The following TSKS variants were observed in gnomAD, a reference collection of about 807,000 sequenced individuals.
TSKS encodes testis-specific serine kinase substrate.
Under a neutral mutation model 68.0 loss-of-function variants are expected in TSKS, and 27 were observed. The ratio of observed to expected loss-of-function variants is 0.40; its 90% confidence interval spans 0.29 to 0.55. TSKS has a LOEUF of 0.55. Among genes scored for constraint, TSKS ranks in the 20% least tolerant of loss-of-function variants. The pLI, the probability that TSKS is intolerant of heterozygous loss-of-function variation, is 0.53. For synonymous variants in TSKS, 331 were observed against 340.4 expected, an observed-to-expected ratio of 0.97 and a Z score of 0.30; for missense variants, 806 against 776.0, an observed-to-expected ratio of 1.04 and a Z score of -0.46.
chr19:49,762,681 C>G (rs914382128), intron 1 of TSKS, among the ~76,000 whole-genome samples: 5 of 152,108 alleles, frequency 3.3e-5, no homozygotes, highest in African/African-American at 1.2e-4. Context: ...CCTGCCTCGG[C>G]CTCCCAAAGT....
chr19:49,756,512 C>T (rs2084393972), intron 2 of TSKS, among the ~76,000 whole-genome samples: 1 of 150,272 alleles, frequency 6.7e-6, no homozygotes, highest in African/African-American at 2.4e-5. Context: ...GGAAAAAAAA[C>T]ACATGATCAT....
intron 8 of TSKS, among the ~76,000 whole-genome samples, chr19:49,743,873 A>T (rs571931954): frequency 6.7e-6 from 1 of 149,660 alleles, no homozygotes; most frequent in Non-Finnish European, 1.5e-5. Flanking sequence ...CGCCCAGCTA[A>T]TTTTTGTATT....
intron 2 of TSKS, among the ~76,000 whole-genome samples, chr19:49,753,830 T>C (rs2084371883): frequency 6.6e-6 from 1 of 151,034 alleles, no homozygotes; most frequent in African/African-American, 2.4e-5. Context: ...AACAAATCCT[T>C]ATGAGTGGGG....
chr19:49,740,536 T>C (rs1489888755), intron 9 of TSKS, among the ~76,000 whole-genome samples: 3 of 152,138 alleles, frequency 2.0e-5, no homozygotes, highest in African/African-American at 4.8e-5. Flanking sequence ...ACCTCCTACA[T>C]TCCATAATTT....
At chr19:49,751,209 CAGG>C (rs1470690492) in intron 2 of TSKS, among the ~76,000 whole-genome samples, 1 of 143,894 alleles carries the variant, frequency 6.9e-6, no homozygotes, top group African/African-American at 2.6e-5. Flanking sequence ...GAGGCTGACA[CAGG>C]AGAATCGCTT....
chr19:49,740,889 A>T (rs2084246320), intron 9 of TSKS, among the ~76,000 whole-genome samples: 1 of 148,864 alleles, frequency 6.7e-6, no homozygotes, highest in Non-Finnish European at 1.5e-5. Flanking sequence ...TGTCTCCAAA[A>T]AAAAAAAGGC....
intron 2 of TSKS, among the ~76,000 whole-genome samples, chr19:49,755,460 TGAG>T (rs1317880753): frequency 6.6e-6 from 1 of 152,040 alleles, no homozygotes; most frequent in Non-Finnish European, 1.5e-5. Flanking sequence ...TTTGGGAGGC[TGAG>T]GAGGGTGTAT....
intron 2 of TSKS, among the ~76,000 whole-genome samples, chr19:49,750,363 A>G (rs1271320736): frequency 1.3e-5 from 2 of 149,854 alleles, no homozygotes; most frequent in Non-Finnish European, 3.0e-5. Flanking sequence ...GGTTCAAGCC[A>G]TTCTCCTGCT....
chr19:49,743,493 CTTT>C (rs761657800), intron 8 of TSKS, among the ~76,000 whole-genome samples: 1 of 103,906 alleles, frequency 9.6e-6, no homozygotes. Flanking sequence ...AAGTGAATTT[CTTT>C]TTTTTTTTTT....
In TSKS at chr19:49,762,163, G is replaced by T. The variant is rs1338090121; in HGVS notation, c.240C>A (p.Thr80=). Residue 80 remains threonine, a synonymous_variant, in exon 2 of 11, where the codon ACC becomes ACA. Transcript: ENST00000246801. ...CLNLKRSSAC[T]NVSLLNLAAM... ...CGGCCAGGTTGAGCAGTGACACGTT[G>T]GTGCAGGCCGAGGACCGTTTGAGGT... 1 of 1,614,158 alleles carries T rather than the reference G, an allele frequency of 6.2e-7. No homozygotes were observed. Among genetic ancestry groups the T allele is most frequent in the Admixed American group, 1.7e-5 (1 of 60,012 alleles).
intron 2 of TSKS, among the ~76,000 whole-genome samples, chr19:49,761,255 G>T (rs976935126): frequency 6.6e-6 from 1 of 152,126 alleles, no homozygotes; most frequent in African/African-American, 2.4e-5. Context: ...TCAGTATCTG[G>T]TAGAGCCTGT....
intron 6 of TSKS, among the ~76,000 whole-genome samples, chr19:49,745,906 G>A (rs1321237474): frequency 2.0e-5 from 3 of 152,186 alleles, no homozygotes; most frequent in Non-Finnish European, 4.4e-5. Flanking sequence ...GATCTAGGCC[G>A]GGCGCGGTGG....
intron 8 of TSKS, among the ~76,000 whole-genome samples, chr19:49,742,989 T>G (rs1481559922): frequency 6.6e-6 from 1 of 152,044 alleles, no homozygotes; most frequent in East Asian, 1.9e-4. Context: ...AAGGTCTCAC[T>G]TCCCCCTCAG....
At chr19:49,748,512 G>GGCA in intron 2 of TSKS, 43 bp from the exon 3 acceptor site, 1 of 1,577,830 alleles carries the variant, frequency 6.3e-7, no homozygotes. Flanking sequence ...GGTATGTGGG[G>GGCA]GCAAGCCCCA....
At chr19:49,756,575 A>C (rs1386145036) in intron 2 of TSKS, among the ~76,000 whole-genome samples, 1 of 152,098 alleles carries the variant, frequency 6.6e-6, no homozygotes, top group Non-Finnish European at 1.5e-5. Context: ...AAAAAAAAAA[A>C]AACACTCCAC....
At chr19:49,746,837 G>A in intron 5 of TSKS, 39 bp from the exon 6 acceptor site, 4 of 1,581,114 alleles carry the variant, frequency 2.5e-6, no homozygotes, top group Admixed American at 1.7e-5. Flanking sequence ...GCGTCCAGCC[G>A]CTTTCCTCCC....
At chr19:49,761,502 C>G (rs911102424) in intron 2 of TSKS, among the ~76,000 whole-genome samples, 3 of 152,204 alleles carry the variant, frequency 2.0e-5, no homozygotes, top group African/African-American at 7.2e-5. Flanking sequence ...CTGGTACCCC[C>G]CAGCCTGGCT....
At chr19:49,755,272 A>G (rs376812429) in intron 2 of TSKS, among the ~76,000 whole-genome samples, 1 of 152,230 alleles carries the variant, frequency 6.6e-6, no homozygotes, top group Non-Finnish European at 1.5e-5. Context: ...TCAGAGACCT[A>G]TGGATCTGGG....
Position 49,763,239 on chromosome 19 carries a change from G to T in TSKS, c.9C>A (p.Ser3Arg), listed in dbSNP as rs773680306. MA[S>R]VVVKTIWQSK... The stretch of plus-strand genomic sequence containing the variant: ...ACTGCCAGATCGTCTTCACCACCAC[G>T]CTCGCCATGGTGTGGGGGTCTGGCT... The change falls in exon 1 of 11, where the codon AGC becomes AGA. Residue 3 changes from serine (S) to arginine (R), a missense_variant. Transcript: ENST00000246801. This position sits in a 1 kb window ranked among gnomAD's most constrained non-coding sequence, Gnocchi z 4.5. 2.7e-6 allele frequency: 4 copies of T among 1,496,040 alleles called. No homozygotes were observed. Among genetic ancestry groups the T allele is most frequent in the Non-Finnish European group, 3.6e-6 (4 of 1,123,740 alleles). The allele number at this position is 1,496,040 out of a possible 1,614,324, so 92.7% of individuals were successfully genotyped here.
Sources: allele counts gnomAD v4.1 joint callset (sites outside exome capture counted in the v4.1 genomes callset), GRCh38; gene constraint gnomAD v4.1.1; non-coding constraint Gnocchi (gnomAD v3.1); transcripts MANE v1.5; gene names NCBI Gene and HGNC (gene_info 2026-07-23, HGNC 2026-07-21).